Variants in TMCC1 observed in about 807,000 individuals in gnomAD.
TMCC1 encodes the protein transmembrane and coiled-coil domain family 1.
A neutral mutation model predicts 52.4 loss-of-function variants in TMCC1; 15 were observed. That is an observed-to-expected ratio of 0.29 (90% CI 0.19 to 0.44). The LOEUF (loss-of-function observed/expected upper bound fraction) is 0.44. Among genes scored for constraint, TMCC1 ranks in the 20% least tolerant of loss-of-function variants. TMCC1 has a pLI of 1.00. For synonymous variants in TMCC1, 279 were observed against 301.9 expected (o/e 0.92, Z 0.79); for missense variants, 503 against 806.0 (o/e 0.62, Z 4.55).
At chr3:129,815,994 A>G (rs1240609337) in intron 4 of TMCC1, among the ~76,000 whole-genome samples, 3 of 152,308 alleles carry the variant, frequency 2.0e-5, no homozygotes, top group Admixed American at 2.0e-4. Context: ...AAAATGCTCA[A>G]TATCACTAAT....
Position 129,866,260 on chromosome 3 carries a change from T to TTATACATATATAATATATATAC in TMCC1, c.-184+14027_-184+14048dup, listed in dbSNP as rs1268274250. On this transcript the variant is annotated intron_variant, in intron 2 of 6. Coordinates refer to ENST00000393238, the MANE Select transcript of TMCC1 (RefSeq NM_001017395.5). ...CATACATACATATATATAATATATA[T>TTATACATATATAATATATATAC]TATACATATATAATATATATACATA... Among the ~76,000 whole-genome samples the TTATACATATATAATATATATAC allele has an allele frequency of 2.3e-5, 3 of 132,996 alleles. No homozygotes were observed. The East Asian group carries it at 5.9e-4, about 26-fold the overall frequency. The allele number at this position is 132,996 out of a possible 152,430, so 87.3% of individuals were successfully genotyped here.
intron 2 of TMCC1, chr3:129,868,817 C>A (rs1577154789): frequency 6.6e-6 from 1 of 152,124 alleles, no homozygotes; most frequent in Admixed American, 6.6e-5. Context: ...AAATTGGTGA[C>A]CCTATGGCTA....
At chr3:129,807,201 A>G (rs1379430028) in intron 4 of TMCC1, among the ~76,000 whole-genome samples, 1 of 152,164 alleles carries the variant, frequency 6.6e-6, no homozygotes, top group East Asian at 1.9e-4. Flanking sequence ...GAAATATATA[A>G]TTTAGGACAG....
chr3:129,734,756 A>C (rs1459523994), intron 4 of TMCC1, among the ~76,000 whole-genome samples: 1 of 152,192 alleles, frequency 6.6e-6, no homozygotes, highest in Non-Finnish European at 1.5e-5. Context: ...TCTCTGAAGA[A>C]GCGGAATGGA....
At chr3:129,840,026 G>GAAA (rs34763615) in intron 2 of TMCC1, among the ~76,000 whole-genome samples, 8 of 147,352 alleles carry the variant, frequency 5.4e-5, no homozygotes, top group Non-Finnish European at 1.2e-4. Context: ...GACTGGGGGA[G>GAAA]AAAAAAAAAA....
chr3:129,810,704 C>T (rs772588068), intron 4 of TMCC1, among the ~76,000 whole-genome samples: 4 of 152,218 alleles, frequency 2.6e-5, no homozygotes, highest in South Asian at 2.1e-4. Flanking sequence ...ATGACATCAA[C>T]GAATATGGAA....
intron 4 of TMCC1, among the ~76,000 whole-genome samples, chr3:129,807,220 C>T (rs2057517841): frequency 6.6e-6 from 1 of 152,062 alleles, no homozygotes. Context: ...AGGAGGAGAA[C>T]TGTAAAGAGT....
chr3:129,736,378 T>C (rs906372666), intron 4 of TMCC1, among the ~76,000 whole-genome samples: 27 of 152,226 alleles, frequency 1.8e-4, no homozygotes, highest in African/African-American at 4.6e-4. Flanking sequence ...TATCACACAA[T>C]TGTTTAATAC....
In TMCC1 at chr3:129,760,400, TAGTG is replaced by T. The variant is rs1292697974; in HGVS notation, c.576+67399_576+67402del. Among the ~76,000 whole-genome samples the T allele has an allele frequency of 4.6e-5, 3 of 64,656 alleles. No homozygotes were observed. The Admixed American group carries it at 5.4e-4, about 12-fold the overall frequency. The allele number at this position is 64,656 out of a possible 152,430, so 42.4% of individuals were successfully genotyped here. A position where few individuals can be genotyped will look rare whatever the true frequency, so the allele number is the denominator to read the frequency against. On this transcript the variant is annotated intron_variant, in intron 4 of 6. Coordinates refer to ENST00000393238, the MANE Select transcript of TMCC1 (RefSeq NM_001017395.5). ...ACAGCAGCGTGCTACCACGCCAGGC[TAGTG>T]TGTGTGTGTGTGTGTGTGTGTGTGT...
chr3:129,738,294 A>G (rs1223390472), intron 4 of TMCC1, among the ~76,000 whole-genome samples: 11 of 148,624 alleles, frequency 7.4e-5, no homozygotes, highest in Non-Finnish European at 1.6e-4. Flanking sequence ...AAAAAAAGAG[A>G]AGAAGAAAAA....
intron 4 of TMCC1, among the ~76,000 whole-genome samples, chr3:129,780,851 C>T (rs1345643387): frequency 6.6e-6 from 1 of 152,234 alleles, no homozygotes; most frequent in Admixed American, 6.5e-5. Context: ...CTTCACTTTC[C>T]ATAACATTCA....
At chr3:129,793,391 T>C (rs1174785056) in intron 4 of TMCC1, among the ~76,000 whole-genome samples, 2 of 152,204 alleles carry the variant, frequency 1.3e-5, no homozygotes, top group African/African-American at 4.8e-5. Flanking sequence ...AAGATCACAA[T>C]ACATTTCAGG....
Position 129,846,867 on chromosome 3 carries a change from T to TA in TMCC1, c.-183-14042dup, listed in dbSNP as rs34419693. 1.2e-3 allele frequency among the ~76,000 whole-genome samples: 51 copies of TA among 41,888 alleles called. 1 individual carries two copies. Among genetic ancestry groups the TA allele is most frequent in the African/African-American group, 4.2e-3 (42 of 10,042 alleles). 27.5% of individuals were successfully genotyped at this position (41,888 alleles called of 152,430 possible). The stretch of plus-strand genomic sequence containing the variant: ...AACATAGCAAGACCTCAATCTCTAC[T>TA]AAAAAAAAAAAAAAAAAAAAAAAAA... On this transcript the variant is annotated intron_variant, in intron 2 of 6. Transcript: ENST00000393238.
intron 4 of TMCC1, among the ~76,000 whole-genome samples, chr3:129,705,741 C>T (rs912027293): frequency 2.1e-4 from 32 of 151,174 alleles, no homozygotes; most frequent in Admixed American, 1.5e-3. Context: ...TACAGGCGCC[C>T]GCCACCACGC....
chr3:129,694,695 G>A (rs942417241), intron 4 of TMCC1, among the ~76,000 whole-genome samples: 57 of 152,154 alleles, frequency 3.7e-4, no homozygotes, highest in Non-Finnish European at 1.8e-4. Flanking sequence ...GCAATGTCAG[G>A]AAGTTACCCT....
At chr3:129,703,633 C>T (rs1010752431) in intron 4 of TMCC1, among the ~76,000 whole-genome samples, 3 of 152,018 alleles carry the variant, frequency 2.0e-5, no homozygotes, top group African/African-American at 4.8e-5. Flanking sequence ...CTAGAGAAAG[C>T]GTAACTACGA....
intron 4 of TMCC1, among the ~76,000 whole-genome samples, chr3:129,731,749 G>T (rs967220108): frequency 1.3e-5 from 2 of 151,758 alleles, no homozygotes; most frequent in African/African-American, 4.8e-5. Flanking sequence ...GCCTCCCAAG[G>T]AGCTGAGACT....
At chr3:129,802,564 GC>G (rs2057255854) in intron 4 of TMCC1, among the ~76,000 whole-genome samples, 1 of 152,190 alleles carries the variant, frequency 6.6e-6, no homozygotes, top group African/African-American at 2.4e-5. Flanking sequence ...CTATGATAGT[GC>G]CACTGCACTC....
At chr3:129,767,216 G>A (rs1266959384) in intron 4 of TMCC1, among the ~76,000 whole-genome samples, 1 of 150,570 alleles carries the variant, frequency 6.6e-6, no homozygotes, top group Non-Finnish European at 1.5e-5. Context: ...AGCCGAGATG[G>A]TGCCATTGTA....
Sources: gnomAD v4.1 joint callset for allele counts (sites outside exome capture counted in the v4.1 genomes callset) on GRCh38, gnomAD v4.1.1 for gene constraint, MANE v1.5 for transcripts, NCBI Gene and HGNC (gene_info 2026-07-23, HGNC 2026-07-21) for gene names.